Variants in RABGAP1L observed in about 807,000 individuals in gnomAD.
RABGAP1L encodes the protein RAB GTPase activating protein 1 like, also known as rab GTPase-activating protein 1-like.
In RABGAP1L, 63 loss-of-function variants were observed where a neutral mutation model predicts 137.7. The ratio of observed to expected loss-of-function variants is 0.46; its 90% confidence interval spans 0.37 to 0.56. The LOEUF is 0.56. Ranked by LOEUF, RABGAP1L falls within the 20% of genes least tolerant of loss-of-function variation. RABGAP1L has a pLI of 0.00. For missense variants in RABGAP1L, 1,095 were observed against 1,244.0 expected, an observed-to-expected ratio of 0.88 and a Z score of 1.80; for synonymous variants, 431 against 433.7, an observed-to-expected ratio of 0.99 and a Z score of 0.08.
chr1:174,342,652 A>G (rs995464805), intron 11 of RABGAP1L, among the ~76,000 whole-genome samples: 38 of 151,680 alleles, frequency 2.5e-4, no homozygotes, highest in Admixed American at 2.0e-3. Flanking sequence ...ATCAGTGTGC[A>G]GATGGGTAGA....
intron 19 of RABGAP1L, among the ~76,000 whole-genome samples, chr1:174,856,242 A>G (rs1261495893): frequency 6.6e-6 from 1 of 152,072 alleles, no homozygotes; most frequent in Non-Finnish European, 1.5e-5. Flanking sequence ...TAAAACTACA[A>G]AAAATTAGCC....
At chr1:174,238,294 T>A (rs957136275) in intron 4 of RABGAP1L, among the ~76,000 whole-genome samples, 1 of 152,212 alleles carries the variant, frequency 6.6e-6, no homozygotes, top group Non-Finnish European at 1.5e-5. Context: ...CCATCCAGGT[T>A]TGTTCCGTTG....
chr1:174,518,649 AGATGCT>A (rs1265909379), intron 13 of RABGAP1L, among the ~76,000 whole-genome samples: 1 of 152,156 alleles, frequency 6.6e-6, no homozygotes, highest in Non-Finnish European at 1.5e-5. Flanking sequence ...CAGTTCAAGG[AGATGCT>A]GTTCACATTG....
chr1:174,517,776 T>C (rs940922764), intron 13 of RABGAP1L, among the ~76,000 whole-genome samples: 8 of 152,238 alleles, frequency 5.3e-5, no homozygotes, highest in Admixed American at 5.2e-4. Flanking sequence ...TTCCTTCTTA[T>C]TATTTTATAC....
chr1:174,751,466 A>G (rs1430533813), intron 17 of RABGAP1L, among the ~76,000 whole-genome samples: 1 of 152,250 alleles, frequency 6.6e-6, no homozygotes, highest in African/African-American at 2.4e-5. Flanking sequence ...TATGGGACTT[A>G]TGCCAACTCA....
At chr1:174,877,730 A>G (rs1454116096) in intron 19 of RABGAP1L, 2 of 918,002 alleles carry the variant, frequency 2.2e-6, no homozygotes, top group Non-Finnish European at 3.3e-6. Context: ...GTTTTCAAAG[A>G]TTTATTTACA....
chr1:174,915,981 C>T (rs1660799463), intron 19 of RABGAP1L, among the ~76,000 whole-genome samples: 1 of 151,586 alleles, frequency 6.6e-6, no homozygotes, highest in Admixed American at 6.6e-5. Context: ...AAATCTTGGC[C>T]TAATCCAAGA....
chr1:174,897,897 C>G (rs539320407), intron 19 of RABGAP1L: 2 of 148,214 alleles, frequency 1.3e-5, no homozygotes, highest in Non-Finnish European at 3.0e-5. Context: ...AGGAGAATCT[C>G]GAACCCGGGA....
At chr1:174,580,131 A>C (rs1668629325) in intron 13 of RABGAP1L, among the ~76,000 whole-genome samples, 2 of 152,238 alleles carry the variant, frequency 1.3e-5, no homozygotes, top group Non-Finnish European at 2.9e-5. Flanking sequence ...TATAAAACAT[A>C]AACTGGACTT....
chr1:174,437,167 C>T (rs1258037926), intron 13 of RABGAP1L, among the ~76,000 whole-genome samples: 1 of 152,212 alleles, frequency 6.6e-6, no homozygotes, highest in Non-Finnish European at 1.5e-5. Context: ...AGTGCCTCTC[C>T]TCCTCCAAAG....
At chr1:174,657,486 G>T (rs2148409788) in intron 14 of RABGAP1L, among the ~76,000 whole-genome samples, 1 of 152,108 alleles carries the variant, frequency 6.6e-6, no homozygotes, top group South Asian at 2.1e-4. Context: ...ATATGAATGA[G>T]AACATGCAGT....
At chr1:174,629,585 C>T (rs866278498) in intron 13 of RABGAP1L, among the ~76,000 whole-genome samples, 9 of 152,056 alleles carry the variant, frequency 5.9e-5, no homozygotes, top group African/African-American at 9.7e-5. Flanking sequence ...CCCAGTGGCA[C>T]GATCTCGGCT....
intron 10 of RABGAP1L, among the ~76,000 whole-genome samples, chr1:174,299,538 G>C (rs1054811389): frequency 2.0e-5 from 3 of 152,166 alleles, no homozygotes; most frequent in African/African-American, 4.8e-5. Context: ...GCCATAAGAA[G>C]GCTCACAGAT....
rs149811590 is a variant in RABGAP1L, at chr1:174,643,152, C to T, written c.1824+5664C>T. ...TCCTACTTCTGTGGAACTCCTTCCA[C>T]TCATATCTTTGGAATCGGATGGATT... On this transcript the variant is annotated intron_variant, in intron 14 of 25. Coordinates refer to ENST00000681986, the MANE Select transcript of RABGAP1L (RefSeq NM_001366446.1). 9.4e-4 allele frequency among the ~76,000 whole-genome samples: 143 copies of T among 152,214 alleles called. 2 individuals carry two copies. The highest frequency in any genetic ancestry group is 3.1e-3 in the African/African-American group (130 of 41,524).
chr1:174,427,503 T>C lies in RABGAP1L; in HGVS notation c.1710+33358T>C, dbSNP rs532192782. Among the ~76,000 whole-genome samples the C allele has an allele frequency of 2.0e-5, 3 of 152,278 alleles. No individual in the cohort carries two copies. The South Asian group carries it at 6.2e-4, about 32-fold the overall frequency. ...GTTCAGTGTTCTGAGTTGTTCCCTA[T>C]GCTACCTAATCACTTTAGCCACTTA... On this transcript the variant is annotated intron_variant, in intron 13 of 25. Coordinates refer to ENST00000681986, the MANE Select transcript of RABGAP1L (RefSeq NM_001366446.1).
At chr1:174,485,999 T>C (rs1659589844) in intron 13 of RABGAP1L, among the ~76,000 whole-genome samples, 1 of 152,174 alleles carries the variant, frequency 6.6e-6, no homozygotes, top group Non-Finnish European at 1.5e-5. Flanking sequence ...ACATTACAGC[T>C]TTGGTATTGT....
intron 11 of RABGAP1L, among the ~76,000 whole-genome samples, chr1:174,329,662 G>A (rs979347384): frequency 6.6e-6 from 1 of 152,120 alleles, no homozygotes; most frequent in African/African-American, 2.4e-5. Context: ...GGAATGTAAA[G>A]ATGGTTTAAC....
At chr1:174,292,758 G>C (rs987890770) in intron 10 of RABGAP1L, among the ~76,000 whole-genome samples, 5 of 152,072 alleles carry the variant, frequency 3.3e-5, no homozygotes, top group African/African-American at 1.2e-4. Flanking sequence ...TGTCCATTAT[G>C]TCAAGTTCTA....
At chr1:174,637,564 A>C (rs1674163097) in intron 14 of RABGAP1L, 76 bp downstream of exon 14, 1 of 1,050,146 alleles carries the variant, frequency 9.5e-7, no homozygotes, top group African/African-American at 1.6e-5. Flanking sequence ...GGATTTTTTT[A>C]CTCTGTCTTC....
Sources: allele counts gnomAD v4.1 joint callset (sites outside exome capture counted in the v4.1 genomes callset), GRCh38; gene constraint gnomAD v4.1.1; transcripts MANE v1.5; gene names NCBI Gene and HGNC (gene_info 2026-07-23, HGNC 2026-07-21).